MYO1B: variants seen among roughly 807,000 people sequenced by gnomAD.
MYO1B encodes myosin IB, also known as unconventional myosin-Ib.
Under a neutral mutation model 159.7 loss-of-function variants are expected in MYO1B, and 72 were observed. The observed-to-expected ratio is 0.45, with a 90% CI of 0.37 to 0.55. MYO1B has a LOEUF of 0.55. MYO1B is among the 20% of genes least tolerant of loss of function. The pLI is 0.00. For synonymous variants in MYO1B, 468 were observed against 473.8 expected (o/e 0.99, Z 0.16); for missense variants, 1,062 against 1,364.8 (o/e 0.78, Z 3.50).
At chr2:191,286,935 C>CACAAA (rs377309362) in intron 2 of MYO1B, among the ~76,000 whole-genome samples, 4 of 152,004 alleles carry the variant, frequency 2.6e-5, no homozygotes, top group Middle Eastern at 3.2e-3. Context: ...TGTCTCAAAA[C>CACAAA]ACAAAACAAA....
intron 3 of MYO1B, among the ~76,000 whole-genome samples, chr2:191,296,489 C>G (rs919935165): frequency 4.6e-5 from 7 of 152,174 alleles, no homozygotes; most frequent in African/African-American, 1.7e-4. Flanking sequence ...CAAGTAGCAG[C>G]TGCTGCTAAT....
At position 191,408,185 on chromosome 2, in the gene MYO1B, G is replaced by C. The variant is rs1327972222; in HGVS notation, c.2627G>C (p.Arg876Thr). 5 of 1,610,520 alleles carry C rather than the reference G, an allele frequency of 3.1e-6. No homozygotes were observed. The highest frequency in any genetic ancestry group is 4.2e-6 in the Non-Finnish European group (5 of 1,177,038). Residue 876 changes from arginine (R) to threonine (T), a missense_variant, in exon 25 of 31, where the codon AGA becomes ACA. Arg to Thr is a moderately conservative substitution (Grantham distance 71). Around this residue, in one of 5 missense-constraint regions of MYO1B, gnomAD observed 609 missense variants for 744.4 expected, o/e 0.82. Transcript: ENST00000392318. ...AAAATCTATGAGTTTACGCTTCAGA[G>C]AATTGTAAGTTGACACTTTATATCT... ...GKKIYEFTLQ[R>T]IVQKYFLEMK...
At chr2:191,326,155 G>A (rs555139238) in intron 3 of MYO1B, among the ~76,000 whole-genome samples, 4 of 152,206 alleles carry the variant, frequency 2.6e-5, no homozygotes, top group Admixed American at 2.0e-4. Context: ...ATGCTGACAC[G>A]GTCACAAAAT....
chr2:191,260,918 T>G (rs12623832), intron 1 of MYO1B, among the ~76,000 whole-genome samples: 82,471 of 152,042 alleles, frequency 0.54, 25,828 homozygotes, highest in Non-Finnish European at 0.68. Flanking sequence ...GGATATACTT[T>G]TGAAAAGCCA....
At chr2:191,329,637 T>C (rs1691328906) in intron 3 of MYO1B, among the ~76,000 whole-genome samples, 1 of 147,482 alleles carries the variant, frequency 6.8e-6, no homozygotes, top group African/African-American at 2.5e-5. Context: ...ATTAAATAAA[T>C]TTATATAAAT....
intron 1 of MYO1B, among the ~76,000 whole-genome samples, chr2:191,256,256 G>A (rs1246841201): frequency 6.6e-6 from 1 of 152,270 alleles, no homozygotes; most frequent in East Asian, 1.9e-4. Context: ...CTCCTTAGTA[G>A]CCCCCGGACC....
chr2:191,372,797 C>G (rs1694441480), intron 13 of MYO1B, among the ~76,000 whole-genome samples: 1 of 151,830 alleles, frequency 6.6e-6, no homozygotes, highest in Non-Finnish European at 1.5e-5. Context: ...ATGTGCCCTC[C>G]TTCTGCAAGT....
At chr2:191,377,029 T>G (rs1247825535) in intron 13 of MYO1B, among the ~76,000 whole-genome samples, 1 of 152,146 alleles carries the variant, frequency 6.6e-6, no homozygotes, top group African/African-American at 2.4e-5. Flanking sequence ...TGGGCTTTGT[T>G]TTTTTGTTGT....
rs753898801 is a variant in MYO1B at position 191,423,926 on chromosome 2, A to C, written c.3377A>C (p.Lys1126Thr). The C allele has an allele frequency of 1.1e-5, 18 of 1,613,870 alleles. No individual in the cohort carries two copies. Among genetic ancestry groups the C allele is most frequent in the African/African-American group, 5.3e-5 (4 of 74,924 alleles). The change falls in exon 31 of 31, where the codon AAA becomes ACA. Residue 1126 changes from lysine (K) to threonine (T), a missense_variant. By Grantham distance (78) the Lys-to-Thr change is moderately conservative (BLOSUM62 -1). Transcript: ENST00000392318. ...GGGAGTGTCCCAACATGTAAACGAA[A>C]AAACAACCGTCTCCTTGAAGTTGCT... Reference protein sequence around the residue: ...KNGSVPTCKRKNNRLLEVAVP With the variant: ...KNGSVPTCKRTNNRLLEVAVP
At chr2:191,419,314 G>T (rs1015667799) in intron 30 of MYO1B, among the ~76,000 whole-genome samples, 5 of 152,038 alleles carry the variant, frequency 3.3e-5, no homozygotes, top group African/African-American at 9.7e-5. Context: ...CGCCTCCTGG[G>T]TTCATGCCAT....
chr2:191,269,970 T>G (rs1687360637), intron 1 of MYO1B, among the ~76,000 whole-genome samples: 1 of 152,218 alleles, frequency 6.6e-6, no homozygotes, highest in Non-Finnish European at 1.5e-5. Flanking sequence ...TGTGTTGAGC[T>G]GTTAGACACA....
intron 1 of MYO1B, among the ~76,000 whole-genome samples, chr2:191,258,939 C>T (rs4853564): frequency 0.54 from 82,190 of 152,060 alleles, 25,747 homozygotes; most frequent in Non-Finnish European, 0.68. Flanking sequence ...TCTCATGGAC[C>T]CTGGGCTGTA....
chr2:191,370,075 C>A, intron 12 of MYO1B, 152 bp from the exon 13 acceptor site: 1 of 586,258 alleles, frequency 1.7e-6, no homozygotes, highest in Non-Finnish European at 3.0e-6. Context: ...ATACCAATGC[C>A]TCATCTCATA....
At chr2:191,399,022 G>A (rs548845614) in intron 21 of MYO1B, among the ~76,000 whole-genome samples, 21 of 152,314 alleles carry the variant, frequency 1.4e-4, no homozygotes, top group Admixed American at 6.5e-5. Context: ...CCGGCACCTC[G>A]GGAGGCCGAG....
chr2:191,273,639 A>G (rs1159136674), intron 1 of MYO1B, among the ~76,000 whole-genome samples: 1 of 152,210 alleles, frequency 6.6e-6, no homozygotes, highest in Non-Finnish European at 1.5e-5. Flanking sequence ...TGGCTAGAAG[A>G]TGAGAATATG....
chr2:191,390,562 A>G, intron 18 of MYO1B, 70 bp downstream of exon 18: 2 of 1,468,218 alleles, frequency 1.4e-6, no homozygotes, highest in Non-Finnish European at 1.8e-6. Flanking sequence ...GTTTTTTCAC[A>G]TGCTGTTAGA....
At chr2:191,288,318 G>A (rs1468032685) in intron 2 of MYO1B, among the ~76,000 whole-genome samples, 2 of 150,944 alleles carry the variant, frequency 1.3e-5, no homozygotes, top group East Asian at 1.9e-4. Flanking sequence ...AACGTCTTAT[G>A]TCACTCTTTG....
At chr2:191,353,630 C>T (rs1029376048) in intron 7 of MYO1B, among the ~76,000 whole-genome samples, 3 of 152,164 alleles carry the variant, frequency 2.0e-5, no homozygotes, top group African/African-American at 7.2e-5. Flanking sequence ...GGGGCATACC[C>T]GTGAGCCTAC....
intron 22 of MYO1B, 52 bp downstream of exon 22, chr2:191,400,520 A>C: frequency 6.3e-7 from 1 of 1,584,728 alleles, no homozygotes. Flanking sequence ...CGTCATGTGG[A>C]ACCATGAACC....
Sources: allele counts gnomAD v4.1 joint callset (sites outside exome capture counted in the v4.1 genomes callset), GRCh38; gene constraint gnomAD v4.1.1; regional missense constraint gnomAD v4.1.1; transcripts MANE v1.5; gene names NCBI Gene and HGNC (gene_info 2026-07-23, HGNC 2026-07-21).